The following PLCH1 variants were observed in gnomAD, a reference collection of about 807,000 sequenced individuals.
The protein encoded by PLCH1 is 1-phosphatidylinositol 4,5-bisphosphate phosphodiesterase eta-1.
In PLCH1, 60 loss-of-function variants were observed where a neutral mutation model predicts 126.7. The ratio of observed to expected loss-of-function variants is 0.47; its 90% CI spans 0.38 to 0.59. The LOEUF (loss-of-function observed/expected upper bound fraction) is 0.59. Ranked by LOEUF, PLCH1 falls within the 20% of genes least tolerant of loss-of-function variation. PLCH1 has a pLI of 0.00. For synonymous variants in PLCH1, 719 were observed against 734.9 expected (o/e 0.98, Z 0.35); for missense variants, 1,723 against 2,040.0 (o/e 0.84, Z 2.99).
chr3:155,626,969 C>T (rs551283496), intron 2 of PLCH1, among the ~76,000 whole-genome samples: 1 of 151,668 alleles, frequency 6.6e-6, no homozygotes, highest in South Asian at 2.1e-4. Flanking sequence ...TAAAAAACAG[C>T]CAAAAGGAAA....
chr3:155,542,637 C>T (rs952049126), intron 10 of PLCH1, among the ~76,000 whole-genome samples: 2 of 152,166 alleles, frequency 1.3e-5, no homozygotes, highest in Admixed American at 6.5e-5. Flanking sequence ...GAGGCACCCC[C>T]CAGTAGGGGC....
intron 2 of PLCH1, among the ~76,000 whole-genome samples, chr3:155,679,111 G>A (rs1428141340): frequency 1.3e-5 from 2 of 152,156 alleles, no homozygotes; most frequent in Non-Finnish European, 2.9e-5. Context: ...CTGGCCTTGG[G>A]TCAGTTATGG....
intron 2 of PLCH1, among the ~76,000 whole-genome samples, chr3:155,632,945 A>G (rs1738222452): frequency 6.6e-6 from 1 of 152,088 alleles, no homozygotes; most frequent in African/African-American, 2.4e-5. Context: ...TTTTCTGAAA[A>G]AGAAAAATCA....
At chr3:155,546,709 G>C (rs1302953845) in intron 10 of PLCH1, among the ~76,000 whole-genome samples, 1 of 149,704 alleles carries the variant, frequency 6.7e-6, no homozygotes, top group Non-Finnish European at 1.5e-5. Context: ...CAATGGAACA[G>C]AACAGAGCCC....
At chr3:155,701,212 G>GT (rs1746247227) in intron 2 of PLCH1, among the ~76,000 whole-genome samples, 1 of 152,140 alleles carries the variant, frequency 6.6e-6, no homozygotes, top group Non-Finnish European at 1.5e-5. Flanking sequence ...TTAACAGTAG[G>GT]TTTAACAGTC....
intron 10 of PLCH1, among the ~76,000 whole-genome samples, chr3:155,528,510 G>A (rs567043463): frequency 6.6e-6 from 1 of 152,278 alleles, no homozygotes; most frequent in African/African-American, 2.4e-5. Flanking sequence ...AATCTGCTTT[G>A]TTTTAGGTAC....
At chr3:155,729,810 C>T (rs1195025326) in intron 1 of PLCH1, among the ~76,000 whole-genome samples, 1 of 151,626 alleles carries the variant, frequency 6.6e-6, no homozygotes, top group Non-Finnish European at 1.5e-5. Flanking sequence ...CCTTGTAGTT[C>T]CAGCTACTCA....
chr3:155,612,538 A>G (rs1390377817), intron 2 of PLCH1, among the ~76,000 whole-genome samples: 1 of 152,150 alleles, frequency 6.6e-6, no homozygotes, highest in African/African-American at 2.4e-5. Context: ...AAACAACAAA[A>G]AAAAAAGATA....
intron 2 of PLCH1, among the ~76,000 whole-genome samples, chr3:155,700,100 G>A (rs1746155055): frequency 6.6e-6 from 1 of 152,092 alleles, no homozygotes; most frequent in Non-Finnish European, 1.5e-5. Context: ...CTGAAAGACA[G>A]GGAAACTGAG....
chr3:155,609,475 C>A (rs1016237024), intron 2 of PLCH1, among the ~76,000 whole-genome samples: 1 of 151,950 alleles, frequency 6.6e-6, no homozygotes, highest in African/African-American at 2.4e-5. Context: ...GGTACTATGA[C>A]AAAAAAAGAT....
intron 11 of PLCH1, among the ~76,000 whole-genome samples, chr3:155,516,107 C>T (rs1164946185): frequency 1.3e-5 from 2 of 152,134 alleles, no homozygotes; most frequent in Non-Finnish European, 2.9e-5. Context: ...ACTCCACTTC[C>T]CTGGAGACCT....
Position 155,480,846 on chromosome 3 carries a change from G to C in PLCH1, c.*122C>G. The C allele has an allele frequency of 3.6e-6, 3 of 835,328 alleles. No individual in the cohort carries two copies. Among genetic ancestry groups the C allele is most frequent in the Non-Finnish European group, 3.8e-6 (2 of 533,068 alleles). The allele number at this position is 835,328 out of a possible 1,614,324, so 51.7% of individuals were successfully genotyped here. A position where few individuals can be genotyped will look rare whatever the true frequency, so the allele number is the denominator to read the frequency against. ...GGGAGAACACATGAAGTCAAAGGGAGACCCAAATACAAGTTTAAAAATACA... is the reference window on the plus strand; with the variant it reads ...GGGAGAACACATGAAGTCAAAGGGACACCCAAATACAAGTTTAAAAATACA... On this transcript the variant is annotated 3_prime_UTR_variant, in exon 23 of 23. Transcript: ENST00000460012.
intron 2 of PLCH1, among the ~76,000 whole-genome samples, chr3:155,623,520 T>C (rs1400600816): frequency 6.6e-6 from 1 of 151,404 alleles, no homozygotes; most frequent in Non-Finnish European, 1.5e-5. Flanking sequence ...GCCAGACTAA[T>C]AAAGAAGAAA....
At chr3:155,665,293 C>G (rs1185551263) in intron 2 of PLCH1, among the ~76,000 whole-genome samples, 1 of 152,156 alleles carries the variant, frequency 6.6e-6, no homozygotes, top group Admixed American at 6.5e-5. Context: ...ACTGAGATAG[C>G]TTTATCTGCA....
chr3:155,651,276 A>G (rs1278399472), intron 2 of PLCH1, among the ~76,000 whole-genome samples: 1 of 152,254 alleles, frequency 6.6e-6, no homozygotes, highest in African/African-American at 2.4e-5. Context: ...CTGTTATAGC[A>G]TTATTTGTAG....
downstream of PLCH1, among the ~76,000 whole-genome samples, chr3:155,476,312 T>C (rs1173754918): frequency 2.6e-5 from 4 of 152,246 alleles, no homozygotes; most frequent in South Asian, 4.2e-4. Flanking sequence ...AAAAGTCATA[T>C]ACAACAGACC....
At chr3:155,542,198 C>T (rs532346434) in intron 10 of PLCH1, among the ~76,000 whole-genome samples, 1,523 of 152,294 alleles carry the variant, frequency 0.01, 15 homozygotes, top group Middle Eastern at 0.044. Flanking sequence ...TGCGCTTTTC[C>T]GACGGGCTTA....
intron 1 of PLCH1, among the ~76,000 whole-genome samples, chr3:155,737,180 C>G (rs1052151052): frequency 7.8e-6 from 1 of 128,738 alleles, no homozygotes; most frequent in Non-Finnish European, 1.6e-5. Context: ...TGCAGTGAGC[C>G]GAGATCACGC....
chr3:155,649,644 T>C (rs1244545457), intron 2 of PLCH1, among the ~76,000 whole-genome samples: 3 of 152,094 alleles, frequency 2.0e-5, no homozygotes, highest in Non-Finnish European at 4.4e-5. Context: ...ATGATGGTAG[T>C]GGGAATTGGG....
Sources: allele counts gnomAD v4.1 joint callset (sites outside exome capture counted in the v4.1 genomes callset), GRCh38; gene constraint gnomAD v4.1.1; transcripts MANE v1.5; gene names NCBI Gene and HGNC (gene_info 2026-07-23, HGNC 2026-07-21).